Variants in STAU2 observed in about 807,000 individuals in gnomAD.
STAU2 encodes double-stranded RNA-binding protein Staufen homolog 2.
STAU2 carries 20 observed loss-of-function variants against 65.9 expected under a neutral mutation model. The ratio of observed to expected loss-of-function variants is 0.30; its 90% CI spans 0.21 to 0.44. STAU2 has a LOEUF of 0.44. STAU2 is among the 20% of genes least tolerant of loss of function. The pLI is 1.00. For synonymous variants in STAU2, 232 were observed against 233.9 expected (o/e 0.99, Z 0.07); for missense variants, 558 against 683.9 (o/e 0.82, Z 2.05).
chr8:73,590,104 T>A (rs1810659974), intron 11 of STAU2, among the ~76,000 whole-genome samples: 1 of 125,914 alleles, frequency 7.9e-6, no homozygotes, highest in South Asian at 2.5e-4. Context: ...GAGAAGGAAG[T>A]AGGAGGAGAA....
intron 6 of STAU2, among the ~76,000 whole-genome samples, chr8:73,651,069 C>T (rs551900689): frequency 5.3e-5 from 8 of 152,230 alleles, no homozygotes; most frequent in East Asian, 1.9e-4. Flanking sequence ...GCTTTGGCTC[C>T]GTGGACTGGC....
At chr8:73,687,805 G>A (rs576889506) in intron 5 of STAU2, among the ~76,000 whole-genome samples, 39 of 151,114 alleles carry the variant, frequency 2.6e-4, no homozygotes, top group African/African-American at 8.0e-4. Context: ...TCTGCCTCCC[G>A]GGTTCACGCC....
At chr8:73,430,880 A>C (rs16938653) in intron 13 of STAU2, among the ~76,000 whole-genome samples, 10,382 of 152,286 alleles carry the variant, frequency 0.068, 933 homozygotes, top group African/African-American at 0.21. Context: ...AGAAAAAGCA[A>C]ATAACCTTCA....
intron 10 of STAU2, among the ~76,000 whole-genome samples, chr8:73,596,818 C>T (rs1563447424): frequency 6.6e-6 from 1 of 152,028 alleles, no homozygotes; most frequent in Non-Finnish European, 1.5e-5. Context: ...CACCACACTG[C>T]ACCCTGGGCA....
intron 6 of STAU2, among the ~76,000 whole-genome samples, chr8:73,621,312 C>T (rs1813213153): frequency 6.6e-6 from 1 of 152,130 alleles, no homozygotes; most frequent in Admixed American, 6.5e-5. Context: ...CATTCATTTC[C>T]TCTCCTGCTG....
intron 11 of STAU2, among the ~76,000 whole-genome samples, chr8:73,586,646 CAAAAA>C (rs56687221): frequency 3.2e-5 from 2 of 62,730 alleles, no homozygotes; most frequent in Admixed American, 1.9e-4. Context: ...AAAAAAAATG[CAAAAA>C]AAAAAAAAAA....
chr8:73,725,496 T>C (rs1805560371), intron 3 of STAU2, among the ~76,000 whole-genome samples: 1 of 152,202 alleles, frequency 6.6e-6, no homozygotes, highest in Non-Finnish European at 1.5e-5. Flanking sequence ...GTCAATTATC[T>C]TTTTAAAAGT....
Position 73,564,153 on chromosome 8 carries a change from C to T in STAU2, c.1223-11834G>A, listed in dbSNP as rs80272624. ...AGTGGAATGTGCATCCAACATTTTA[C>T]GTTTTCAGAGGGCTTCCCAAGGGAC... is the stretch of plus-strand genomic sequence containing the variant. On this transcript the variant is annotated intron_variant, in intron 12 of 14. Coordinates refer to ENST00000524300, the MANE Select transcript of STAU2 (RefSeq NM_001164380.2). 2.3e-3 allele frequency among the ~76,000 whole-genome samples: 344 copies of T among 152,280 alleles called. 3 individuals carry two copies. The highest frequency in any genetic ancestry group is 7.1e-3 in the African/African-American group (297 of 41,548).
chr8:73,463,685 G>C (rs990879303), intron 13 of STAU2, among the ~76,000 whole-genome samples: 1 of 152,222 alleles, frequency 6.6e-6, no homozygotes, highest in Non-Finnish European at 1.5e-5. Context: ...TTCATTTGGG[G>C]AGGAGGCTTT....
At chr8:73,452,961 T>C (rs1818879152) in intron 13 of STAU2, among the ~76,000 whole-genome samples, 1 of 152,244 alleles carries the variant, frequency 6.6e-6, no homozygotes, top group Non-Finnish European at 1.5e-5. Context: ...ACTAGGATTT[T>C]AGTTTGGAAA....
chr8:73,509,266 A>G (rs1166640717), intron 13 of STAU2, among the ~76,000 whole-genome samples: 1 of 152,122 alleles, frequency 6.6e-6, no homozygotes, highest in African/African-American at 2.4e-5. Context: ...GCATCTTCTC[A>G]GGTGCTTATT....
At chr8:73,568,293 G>A (rs1205701090) in intron 12 of STAU2, among the ~76,000 whole-genome samples, 1 of 152,180 alleles carries the variant, frequency 6.6e-6, no homozygotes, top group Non-Finnish European at 1.5e-5. Context: ...ACTGACTCAT[G>A]TTAAAACACA....
chr8:73,576,039 G>C (rs1319888015), intron 12 of STAU2, among the ~76,000 whole-genome samples: 2 of 152,050 alleles, frequency 1.3e-5, no homozygotes, highest in East Asian at 3.9e-4. Flanking sequence ...AACGATAAAA[G>C]ATTTCTACTT....
intron 13 of STAU2, among the ~76,000 whole-genome samples, chr8:73,468,287 C>T (rs972242267): frequency 9.2e-5 from 14 of 152,148 alleles, no homozygotes; most frequent in Non-Finnish European, 1.9e-4. Flanking sequence ...CTTCCTTACA[C>T]CTTATACAAA....
At chr8:73,703,176 A>G (rs1820243653) in intron 4 of STAU2, among the ~76,000 whole-genome samples, 1 of 152,152 alleles carries the variant, frequency 6.6e-6, no homozygotes, top group Non-Finnish European at 1.5e-5. Flanking sequence ...GGACTGGATC[A>G]TGGGGGTGGA....
intron 10 of STAU2, among the ~76,000 whole-genome samples, chr8:73,597,510 A>T (rs972188026): frequency 6.0e-5 from 9 of 151,012 alleles, no homozygotes; most frequent in South Asian, 2.1e-4. Flanking sequence ...AAAATAAAAA[A>T]AAAAAAAAAA....
intron 6 of STAU2, among the ~76,000 whole-genome samples, chr8:73,624,677 C>G (rs553169933): frequency 7.9e-5 from 12 of 152,322 alleles, no homozygotes; most frequent in African/African-American, 2.9e-4. Flanking sequence ...CTCATAACTG[C>G]TATACCATGC....
chr8:73,484,051 G>A (rs1310230667), intron 13 of STAU2, among the ~76,000 whole-genome samples: 1 of 152,106 alleles, frequency 6.6e-6, no homozygotes, highest in African/African-American at 2.4e-5. Flanking sequence ...TGCAATTAGT[G>A]TTCACTTTTA....
At chr8:73,747,472 G>C (rs559225013), upstream of STAU2, 693 of 1,534,054 alleles carry the variant, frequency 4.5e-4, 11 homozygotes, top group South Asian at 7.6e-3. Flanking sequence ...GCTGTGCAAC[G>C]CACGGTTTAG....
Sources: allele counts gnomAD v4.1 joint callset (sites outside exome capture counted in the v4.1 genomes callset), GRCh38; gene constraint gnomAD v4.1.1; transcripts MANE v1.5; gene names NCBI Gene and HGNC (gene_info 2026-07-23, HGNC 2026-07-21).